The following THSD4 variants were observed in gnomAD, a reference collection of about 807,000 sequenced individuals.
THSD4 encodes thrombospondin type-1 domain-containing protein 4.
Under a neutral mutation model 119.0 loss-of-function variants are expected in THSD4, and 69 were observed. The observed-to-expected ratio is 0.58, with a 90% CI of 0.48 to 0.71. The LOEUF is 0.71. Among genes scored for constraint, THSD4 ranks in the 30% least tolerant of loss-of-function variants. The probability of loss-of-function intolerance (pLI) is 0.00; values close to 1 mark genes in which losing one functional copy is unlikely to be tolerated. For missense variants in THSD4, 1,393 were observed against 1,391.1 expected (o/e 1.00, Z -0.02); for synonymous variants, 524 against 540.4 (o/e 0.97, Z 0.42).
chr15:71,301,065 C>T (rs1005702217), intron 6 of THSD4, among the ~76,000 whole-genome samples: 5 of 152,076 alleles, frequency 3.3e-5, no homozygotes, highest in Admixed American at 1.3e-4. Context: ...TTTCTCTGCC[C>T]TAAGATTATT....
intron 7 of THSD4, among the ~76,000 whole-genome samples, chr15:71,467,535 T>C (rs1276089341): frequency 1.3e-5 from 2 of 152,188 alleles, no homozygotes; most frequent in Admixed American, 6.5e-5. Context: ...TTCTTGTCCC[T>C]GTGTCTTCAG....
chr15:71,335,003 A>G (rs979160384), intron 6 of THSD4, among the ~76,000 whole-genome samples: 1 of 152,126 alleles, frequency 6.6e-6, no homozygotes, highest in Non-Finnish European at 1.5e-5. Context: ...CTCCTTCCTG[A>G]GCAGAATTAA....
At chr15:71,241,606 G>T (rs2044153542) in intron 4 of THSD4, among the ~76,000 whole-genome samples, 1 of 152,184 alleles carries the variant, frequency 6.6e-6, no homozygotes, top group Non-Finnish European at 1.5e-5. Flanking sequence ...TCTGGAGCTG[G>T]TTTTTACCTG....
chr15:71,656,693 A>G (rs1567085002), intron 7 of THSD4, among the ~76,000 whole-genome samples: 1 of 152,224 alleles, frequency 6.6e-6, no homozygotes, highest in Non-Finnish European at 1.5e-5. Context: ...ATGGTTAAAA[A>G]CATGGACTTT....
At chr15:71,111,614 G>C, upstream of THSD4, 1 of 594,784 alleles carries the variant, frequency 1.7e-6, no homozygotes, top group Non-Finnish European at 3.0e-6. Context: ...TTTACAGTCT[G>C]CATAAGTTTA....
chr15:71,413,580 C>T (rs2046718691), intron 7 of THSD4, among the ~76,000 whole-genome samples: 1 of 152,172 alleles, frequency 6.6e-6, no homozygotes. Context: ...TGGCTTATTT[C>T]AGTTGACAGA....
At chr15:71,399,306 T>C (rs926017368) in intron 6 of THSD4, among the ~76,000 whole-genome samples, 2 of 152,130 alleles carry the variant, frequency 1.3e-5, no homozygotes, top group Admixed American at 6.5e-5. Context: ...GTCTAACATA[T>C]AGTAGGTGCT....
At chr15:71,111,760 T>C (rs1422095053), upstream of THSD4, 3 of 519,940 alleles carry the variant, frequency 5.8e-6, no homozygotes, top group South Asian at 3.0e-5. Flanking sequence ...TAGGGAATTA[T>C]ACGGGGGTTT....
chr15:71,191,472 TG>T (rs1313066829), intron 3 of THSD4, among the ~76,000 whole-genome samples: 2 of 152,260 alleles, frequency 1.3e-5, no homozygotes, highest in Non-Finnish European at 2.9e-5. Context: ...TTTGCCCATC[TG>T]TTAATTATTT....
chr15:71,291,188 C>T (rs942205997), intron 6 of THSD4, among the ~76,000 whole-genome samples: 3 of 152,144 alleles, frequency 2.0e-5, no homozygotes, highest in Non-Finnish European at 4.4e-5. Context: ...TTATTGTTTA[C>T]ATTATGACTA....
intron 7 of THSD4, among the ~76,000 whole-genome samples, chr15:71,496,024 A>T (rs2048011419): frequency 6.6e-6 from 1 of 152,194 alleles, no homozygotes; most frequent in African/African-American, 2.4e-5. Flanking sequence ...ATAGGCACTC[A>T]TCTGCCTGGT....
intron 14 of THSD4, among the ~76,000 whole-genome samples, chr15:71,754,188 C>T (rs2053498406): frequency 6.7e-6 from 1 of 149,046 alleles, no homozygotes; most frequent in Non-Finnish European, 1.5e-5. Context: ...CTCCCGGGTT[C>T]AAGCGATTCT....
chr15:71,291,983 A>G (rs2044798438), intron 6 of THSD4, among the ~76,000 whole-genome samples: 1 of 152,044 alleles, frequency 6.6e-6, no homozygotes, highest in African/African-American at 2.4e-5. Flanking sequence ...CACATCCTCT[A>G]ATAGCTTCTC....
At chr15:71,595,350 G>A (rs2049888294) in intron 7 of THSD4, among the ~76,000 whole-genome samples, 1 of 152,186 alleles carries the variant, frequency 6.6e-6, no homozygotes, top group Admixed American at 6.5e-5. Context: ...TTAATGATGG[G>A]GGCTGGCCTT....
intron 7 of THSD4, among the ~76,000 whole-genome samples, chr15:71,638,214 C>T (rs1323685159): frequency 6.6e-6 from 1 of 152,144 alleles, no homozygotes; most frequent in Non-Finnish European, 1.5e-5. Flanking sequence ...GGCAGTTACT[C>T]TTTTGTAGTA....
intron 7 of THSD4, among the ~76,000 whole-genome samples, chr15:71,602,949 A>G (rs755394605): frequency 1.3e-5 from 2 of 152,206 alleles, no homozygotes; most frequent in Non-Finnish European, 2.9e-5. Context: ...AAGCTTATGT[A>G]GCCACTGGTG....
intron 8 of THSD4, among the ~76,000 whole-genome samples, chr15:71,711,082 T>TGTATATATATATAC (rs2052503730): frequency 6.8e-6 from 1 of 147,696 alleles, no homozygotes; most frequent in South Asian, 2.1e-4. Context: ...AATATATATA[T>TGTATATATATATAC]GTATATATAT....
chr15:71,296,981 T>G (rs900149647), intron 6 of THSD4, among the ~76,000 whole-genome samples: 4 of 152,208 alleles, frequency 2.6e-5, no homozygotes, highest in African/African-American at 7.2e-5. Flanking sequence ...AGTGCTCTTT[T>G]CTTTCTTTTG....
chr15:71,679,008 G>T (rs1187062938), intron 8 of THSD4, among the ~76,000 whole-genome samples: 1 of 151,966 alleles, frequency 6.6e-6, no homozygotes, highest in Non-Finnish European at 1.5e-5. Flanking sequence ...TTCTTTCTTT[G>T]ATTAAAGAAA....
Sources: gnomAD v4.1 joint callset for allele counts (sites outside exome capture counted in the v4.1 genomes callset) on GRCh38, gnomAD v4.1.1 for gene constraint, MANE v1.5 for transcripts, NCBI Gene and HGNC (gene_info 2026-07-23, HGNC 2026-07-21) for gene names.